Variants in KLHL29 observed in about 807,000 individuals in gnomAD.
KLHL29 encodes the protein kelch-like protein 29.
In KLHL29, 21 loss-of-function variants were observed where a neutral mutation model predicts 80.4. That is an observed-to-expected ratio of 0.26 (90% CI 0.19 to 0.38). The LOEUF (loss-of-function observed/expected upper bound fraction) is 0.38. KLHL29 is among the 10% of genes least tolerant of loss of function. The pLI, the probability that KLHL29 is intolerant of heterozygous loss-of-function variation, is 1.00. For missense variants in KLHL29, 867 were observed against 1,223.9 expected, an observed-to-expected ratio of 0.71 and a Z score of 4.35; for synonymous variants, 511 against 526.8, an observed-to-expected ratio of 0.97 and a Z score of 0.41.
intron 1 of KLHL29, among the ~76,000 whole-genome samples, chr2:23,456,401 C>T (rs12477825): frequency 0.12 from 18,922 of 152,206 alleles, 2,480 homozygotes; most frequent in African/African-American, 0.31. Flanking sequence ...GTGCCAGGAA[C>T]CCAGGAAGAT....
chr2:23,499,220 C>T lies in KLHL29; in HGVS notation c.-46+23553C>T, dbSNP rs576253101. Among the ~76,000 whole-genome samples, 7 of 152,242 alleles carry T rather than the reference C, an allele frequency of 4.6e-5. No individual in the cohort carries two copies. In the East Asian group the frequency reaches 1.4e-3, roughly 29 times the overall value. Reference sequence around the variant, plus strand: ...AGTTTCCATTTGATTTCTGGCTGCTCAGGGCTCACTCCTCCTGCCCATGCT... The same window carrying T: ...AGTTTCCATTTGATTTCTGGCTGCTTAGGGCTCACTCCTCCTGCCCATGCT... On this transcript the variant is annotated intron_variant, in intron 2 of 13. Transcript: ENST00000486442.
At chr2:23,581,636 G>T (rs537614074) in intron 3 of KLHL29, among the ~76,000 whole-genome samples, 12 of 152,014 alleles carry the variant, frequency 7.9e-5, no homozygotes, top group African/African-American at 2.9e-4. Context: ...GACCAGCCTG[G>T]CCAACATGGT....
chr2:23,399,065 A>G (rs1174294656), intron 1 of KLHL29, among the ~76,000 whole-genome samples: 1 of 152,232 alleles, frequency 6.6e-6, no homozygotes, highest in Non-Finnish European at 1.5e-5. Flanking sequence ...TGGGTCCAGG[A>G]GTGGCAAGAC....
At chr2:23,540,455 G>A (rs1666799872) in intron 2 of KLHL29, among the ~76,000 whole-genome samples, 2 of 152,184 alleles carry the variant, frequency 1.3e-5, no homozygotes, top group Non-Finnish European at 2.9e-5. Context: ...GGTCCACATT[G>A]TCCTTTCCTC....
intron 2 of KLHL29, among the ~76,000 whole-genome samples, chr2:23,509,746 G>A (rs1467610887): frequency 6.6e-6 from 1 of 152,114 alleles, no homozygotes; most frequent in Non-Finnish European, 1.5e-5. Flanking sequence ...ATACAGCAAA[G>A]CCTGAGCTTG....
At chr2:23,564,408 C>T (rs1453020361) in intron 3 of KLHL29, among the ~76,000 whole-genome samples, 1 of 152,200 alleles carries the variant, frequency 6.6e-6, no homozygotes, top group African/African-American at 2.4e-5. Context: ...AAAGTTCATT[C>T]CTGTGAGGAC....
intron 5 of KLHL29, among the ~76,000 whole-genome samples, chr2:23,658,498 T>C (rs561563094): frequency 1.3e-5 from 2 of 152,102 alleles, no homozygotes; most frequent in African/African-American, 4.8e-5. Context: ...AGGCCCCACG[T>C]CCCCTTGACA....
chr2:23,642,306 G>A (rs3806510), intron 4 of KLHL29, 32 bp from the exon 5 acceptor site: 112,174 of 1,392,772 alleles, frequency 0.081, 9,537 homozygotes, highest in East Asian at 0.48. Context: ...AAATGTAACC[G>A]GCAGATGACG....
At chr2:23,435,870 C>T (rs1280503010) in intron 1 of KLHL29, among the ~76,000 whole-genome samples, 2 of 148,034 alleles carry the variant, frequency 1.4e-5, no homozygotes, top group African/African-American at 5.0e-5. Flanking sequence ...TTAGCTAGTT[C>T]TGGGTTTTCT....
At chr2:23,427,432 G>A (rs1017419601) in intron 1 of KLHL29, among the ~76,000 whole-genome samples, 2 of 152,092 alleles carry the variant, frequency 1.3e-5, no homozygotes, top group African/African-American at 4.8e-5. Flanking sequence ...TGATATTGGC[G>A]GAAATAACAT....
chr2:23,464,330 G>A lies in KLHL29; in HGVS notation c.-153-11230G>A, dbSNP rs559932909. 4.6e-5 allele frequency among the ~76,000 whole-genome samples: 7 copies of A among 152,282 alleles called. No homozygotes were observed. In the South Asian group the frequency reaches 8.3e-4, roughly 18 times the overall value. ...CCCTTGCTGACCACTTGGGACAGAC[G>A]TGAAGGGCCAGGGAATTAATTCCCC... is the stretch of plus-strand genomic sequence containing the variant. On this transcript the variant is annotated intron_variant, in intron 1 of 13. Coordinates refer to ENST00000486442, the MANE Select transcript of KLHL29 (RefSeq NM_052920.2).
chr2:23,643,068 A>G, intron 5 of KLHL29: 3 of 698,178 alleles, frequency 4.3e-6, no homozygotes, highest in East Asian at 2.7e-5. Context: ...AAAGTGGGAA[A>G]ATGCGCCGGG....
At chr2:23,552,778 T>C (rs1425189298) in intron 2 of KLHL29, among the ~76,000 whole-genome samples, 1 of 147,998 alleles carries the variant, frequency 6.8e-6, no homozygotes, top group Non-Finnish European at 1.5e-5. Flanking sequence ...TTTTTTTTTT[T>C]GAGATGGCGT....
At chr2:23,558,450 G>A (rs1465748403) in intron 2 of KLHL29, among the ~76,000 whole-genome samples, 1 of 137,986 alleles carries the variant, frequency 7.2e-6, no homozygotes, top group African/African-American at 2.7e-5. Context: ...CACCCAGGCT[G>A]GCGTGCAGTG....
chr2:23,543,715 C>G (rs1460976311), intron 2 of KLHL29, among the ~76,000 whole-genome samples: 1 of 152,224 alleles, frequency 6.6e-6, no homozygotes, highest in African/African-American at 2.4e-5. Flanking sequence ...ATTTCCACTG[C>G]CGAAAGGCCT....
Position 23,418,049 on chromosome 2 carries a change from G to A in KLHL29, c.-154+32269G>A, listed in dbSNP as rs563071216. Among the ~76,000 whole-genome samples the A allele has an allele frequency of 7.2e-5, 11 of 152,246 alleles. No homozygotes were observed. In the East Asian group the frequency reaches 1.7e-3, roughly 24 times the overall value. On this transcript the variant is annotated intron_variant, in intron 1 of 13. Coordinates refer to ENST00000486442, the MANE Select transcript of KLHL29 (RefSeq NM_052920.2). Reference sequence around the variant, plus strand: ...GTCTGTCTTGCTCATTTCTGTCCCCGAAGCCCAGCACAGTCCCTGGCATAT... The same window carrying A: ...GTCTGTCTTGCTCATTTCTGTCCCCAAAGCCCAGCACAGTCCCTGGCATAT...
intron 1 of KLHL29, among the ~76,000 whole-genome samples, chr2:23,401,910 C>T (rs1666607554): frequency 6.6e-6 from 1 of 152,242 alleles, no homozygotes; most frequent in Admixed American, 6.5e-5. Context: ...TGCTTCAGGG[C>T]TGCGTGGGAG....
At chr2:23,415,073 A>T (rs1420809373) in intron 1 of KLHL29, among the ~76,000 whole-genome samples, 1 of 152,236 alleles carries the variant, frequency 6.6e-6, no homozygotes, top group African/African-American at 2.4e-5. Flanking sequence ...TCAGACCTCC[A>T]GTTGGTCCAG....
chr2:23,586,362 C>CTTTTT lies in KLHL29; in HGVS notation c.285+23900_285+23904dup, dbSNP rs778067234. Among the ~76,000 whole-genome samples, 153 of 96,982 alleles carry CTTTTT rather than the reference C, an allele frequency of 1.6e-3. 5 individuals are homozygous for CTTTTT. The highest frequency in any genetic ancestry group is 4.3e-3 in the African/African-American group (97 of 22,524). 63.6% of individuals were successfully genotyped at this position (96,982 alleles called of 152,430 possible). Reference sequence around the variant, plus strand: ...CCATTCCTTCTACCTAAAAGCATTACTTTTTTTTTTTTTTTTTTTTTTTGA... The same window carrying CTTTTT: ...CCATTCCTTCTACCTAAAAGCATTACTTTTTTTTTTTTTTTTTTTTTTTTTTTTGA... On this transcript the variant is annotated intron_variant, in intron 3 of 13. Transcript: ENST00000486442.
Sources: gnomAD v4.1 joint callset for allele counts (sites outside exome capture counted in the v4.1 genomes callset) on GRCh38, gnomAD v4.1.1 for gene constraint, MANE v1.5 for transcripts, NCBI Gene and HGNC (gene_info 2026-07-23, HGNC 2026-07-21) for gene names.